Variants in MAD1L1 observed in about 807,000 individuals in gnomAD.
MAD1L1 encodes the protein mitotic spindle assembly checkpoint protein MAD1.
Under a neutral mutation model 96.9 loss-of-function variants are expected in MAD1L1, and 95 were observed. The ratio of observed to expected loss-of-function variants is 0.98; its 90% CI spans 0.83 to 1.16. The LOEUF is 1.16. MAD1L1 is among the 50% of genes most tolerant of loss of function. The pLI, the probability that MAD1L1 is intolerant of heterozygous loss-of-function variation, is 0.00. For missense variants in MAD1L1, 1,007 were observed against 954.4 expected, an observed-to-expected ratio of 1.06 and a Z score of -0.73; for synonymous variants, 473 against 396.6, an observed-to-expected ratio of 1.19 and a Z score of -2.29.
chr7:2,057,584 G>A (rs933047754), intron 12 of MAD1L1, among the ~76,000 whole-genome samples: 1 of 151,302 alleles, frequency 6.6e-6, no homozygotes, highest in Non-Finnish European at 1.5e-5. Context: ...AACTGAGTCT[G>A]GGTTTCTCCT....
chr7:2,185,763 G>A (rs1260546827), intron 10 of MAD1L1, among the ~76,000 whole-genome samples: 1 of 152,124 alleles, frequency 6.6e-6, no homozygotes, highest in African/African-American at 2.4e-5. Flanking sequence ...GTCAGGGTGA[G>A]GAGAGAAAAA....
At chr7:1,881,677 A>G (rs974897095) in intron 18 of MAD1L1, among the ~76,000 whole-genome samples, 1 of 152,254 alleles carries the variant, frequency 6.6e-6, no homozygotes, top group African/African-American at 2.4e-5. Context: ...CTCACGATAT[A>G]GTGTCGAAGG....
In MAD1L1 at chr7:2,002,071, T is replaced by C. The variant is rs771502664; in HGVS notation, c.1410A>G (p.Ala470=). 1.2e-6 allele frequency: 2 copies of C among 1,613,346 alleles called. No individual in the cohort carries two copies. The highest frequency in any genetic ancestry group is 1.7e-6 in the Non-Finnish European group (2 of 1,180,004). The change falls in exon 14 of 19, where the codon GCA becomes GCG. Residue 470 remains alanine (A), a synonymous_variant. Transcript: ENST00000265854. ...ACTCCCGCGTCTGACTCACCATGTC[T>C]GCTCTTTGTTTCTGGCCTCCCAGCT... The part of the protein sequence containing the change: ...LEELGGQKQR[A]DMLEMELKML...
At chr7:1,996,635 A>T (rs1781574463) in intron 14 of MAD1L1, among the ~76,000 whole-genome samples, 1 of 152,228 alleles carries the variant, frequency 6.6e-6, no homozygotes, top group African/African-American at 2.4e-5. Context: ...GGGGACGGGA[A>T]GCAGCCTGTC....
intron 17 of MAD1L1, among the ~76,000 whole-genome samples, chr7:1,923,345 C>T (rs1015462987): frequency 9.2e-5 from 14 of 152,110 alleles, no homozygotes; most frequent in South Asian, 6.2e-4. Flanking sequence ...GAGCACAAGA[C>T]GCACACAGCT....
chr7:1,821,146 A>T (rs1782107128), intron 18 of MAD1L1, among the ~76,000 whole-genome samples: 1 of 151,918 alleles, frequency 6.6e-6, no homozygotes, highest in South Asian at 2.1e-4. Flanking sequence ...GAAATATTAT[A>T]ATAGATCCAG....
intron 18 of MAD1L1, among the ~76,000 whole-genome samples, chr7:1,879,788 T>G (rs913380299): frequency 4.6e-5 from 7 of 152,160 alleles, no homozygotes; most frequent in Non-Finnish European, 7.4e-5. Flanking sequence ...TGGAGTGCAG[T>G]GGCGCGATCT....
intron 16 of MAD1L1, among the ~76,000 whole-genome samples, chr7:1,952,698 C>T (rs905326959): frequency 2.6e-5 from 4 of 152,212 alleles, no homozygotes; most frequent in Non-Finnish European, 4.4e-5. Context: ...AGTCCAACCC[C>T]CTTGCCTCAC....
rs1792623715 is a variant in MAD1L1 at position 2,206,910 on chromosome 7, T to C, written c.986+6302A>G. 2.0e-5 allele frequency among the ~76,000 whole-genome samples: 3 copies of C among 152,200 alleles called. No individual in the cohort carries two copies. In the South Asian group the frequency reaches 6.2e-4, roughly 32 times the overall value. On this transcript the variant is annotated intron_variant, in intron 10 of 18. Coordinates refer to ENST00000265854, the MANE Select transcript of MAD1L1 (RefSeq NM_001013836.2). ...CAGCCTGACCAACATGGCGAAACCC[T>C]GTCTCTACAAAAATACAAAAATTAG... is the stretch of plus-strand genomic sequence containing the variant.
At chr7:2,085,320 C>A (rs529816939) in intron 11 of MAD1L1, among the ~76,000 whole-genome samples, 2 of 152,314 alleles carry the variant, frequency 1.3e-5, no homozygotes, top group African/African-American at 4.8e-5. Flanking sequence ...TGCTAACAAG[C>A]TCCACCCTCC....
chr7:2,215,912 C>A lies in MAD1L1; in HGVS notation c.897G>T (p.Thr299=), dbSNP rs752138011. ...KLGRQEKMQE[T]LVGLELENER... ...CGTTCTCCAGCTCCAAGCCAACCAG[C>A]GTCTCCTGCATCTTCTCCTGGCGCC... Residue 299 remains threonine (T), a synonymous_variant, in exon 9 of 19, where the codon ACG becomes ACT. Transcript: ENST00000265854. 5.0e-6 allele frequency: 8 copies of A among 1,614,224 alleles called. No individual in the cohort carries two copies. Among genetic ancestry groups the A allele is most frequent in the Non-Finnish European group, 6.8e-6 (8 of 1,180,034 alleles).
intron 11 of MAD1L1, among the ~76,000 whole-genome samples, chr7:2,091,119 C>A (rs1395284671): frequency 6.6e-6 from 1 of 152,170 alleles, no homozygotes; most frequent in Non-Finnish European, 1.5e-5. Flanking sequence ...CTCCTGTGTC[C>A]CATCCACACG....
At chr7:2,083,186 G>A (rs1272806091) in intron 11 of MAD1L1, among the ~76,000 whole-genome samples, 8 of 152,182 alleles carry the variant, frequency 5.3e-5, no homozygotes, top group African/African-American at 1.7e-4. Flanking sequence ...TGAGATTTTC[G>A]GAATTATTAG....
At chr7:1,856,865 G>C (rs1039253629) in intron 18 of MAD1L1, among the ~76,000 whole-genome samples, 1 of 152,182 alleles carries the variant, frequency 6.6e-6, no homozygotes, top group African/African-American at 2.4e-5. Flanking sequence ...CCCTGGGGGA[G>C]GGAGAGGGAG....
At chr7:2,158,038 A>C (rs985769192) in intron 10 of MAD1L1, among the ~76,000 whole-genome samples, 7 of 152,246 alleles carry the variant, frequency 4.6e-5, no homozygotes, top group African/African-American at 1.7e-4. Context: ...CGGCAGTGAC[A>C]GTTCCAACTG....
intron 16 of MAD1L1, chr7:1,940,414 G>A (rs772182255): frequency 2.0e-5 from 3 of 152,250 alleles, no homozygotes; most frequent in South Asian, 2.1e-4. Flanking sequence ...TTTCACAGCC[G>A]GGGTTAAGAT....
At chr7:1,824,514 C>T (rs1393187771) in intron 18 of MAD1L1, among the ~76,000 whole-genome samples, 2 of 152,192 alleles carry the variant, frequency 1.3e-5, no homozygotes, top group Non-Finnish European at 2.9e-5. Context: ...CGTGCCCTGG[C>T]GCCATCGGAT....
intron 18 of MAD1L1, among the ~76,000 whole-genome samples, chr7:1,838,305 G>C (rs1754395151): frequency 6.6e-6 from 1 of 152,202 alleles, no homozygotes. Context: ...ATTACCATGT[G>C]ACCCTGGCAC....
chr7:2,078,155 T>C (rs1332478521), intron 11 of MAD1L1, among the ~76,000 whole-genome samples: 1 of 152,036 alleles, frequency 6.6e-6, no homozygotes, highest in Non-Finnish European at 1.5e-5. Context: ...GCTCCTTGTG[T>C]ATCTGAGGAG....
Sources: allele counts gnomAD v4.1 joint callset (sites outside exome capture counted in the v4.1 genomes callset), GRCh38; gene constraint gnomAD v4.1.1; transcripts MANE v1.5; gene names NCBI Gene and HGNC (gene_info 2026-07-23, HGNC 2026-07-21).